The following HIVEP3 variants were observed in gnomAD, a reference collection of about 807,000 sequenced individuals.
The protein encoded by HIVEP3 is transcription factor HIVEP3.
In HIVEP3, 49 loss-of-function variants were observed where a neutral mutation model predicts 152.8. That is an observed-to-expected ratio of 0.32 (90% CI 0.26 to 0.41). The LOEUF (loss-of-function observed/expected upper bound fraction) is 0.41. Among genes scored for constraint, HIVEP3 ranks in the 10% least tolerant of loss-of-function variants. The pLI, the probability that HIVEP3 is intolerant of heterozygous loss-of-function variation, is 1.00. For missense variants in HIVEP3, 2,790 were observed against 3,103.3 expected, an observed-to-expected ratio of 0.90 and a Z score of 2.40; for synonymous variants, 1,269 against 1,289.0, an observed-to-expected ratio of 0.98 and a Z score of 0.33.
At chr1:41,553,922 C>T (rs1643927029) in intron 5 of HIVEP3, among the ~76,000 whole-genome samples, 1 of 152,134 alleles carries the variant, frequency 6.6e-6, no homozygotes, top group Admixed American at 6.5e-5. Flanking sequence ...TCTGGCTGCC[C>T]TTAATATTTT....
chr1:41,695,557 C>T (rs2124117224), intron 2 of HIVEP3, among the ~76,000 whole-genome samples: 1 of 152,268 alleles, frequency 6.6e-6, no homozygotes, highest in East Asian at 1.9e-4. Context: ...GGAGGTGAAT[C>T]ACAAGGAAAA....
intron 1 of HIVEP3, among the ~76,000 whole-genome samples, chr1:41,854,642 T>C (rs2124388032): frequency 8.6e-6 from 1 of 116,540 alleles, no homozygotes; most frequent in Non-Finnish European, 1.7e-5. Flanking sequence ...TCATCTAGCA[T>C]TAGGTATATC....
chr1:41,812,807 T>C (rs1001165531), intron 1 of HIVEP3, among the ~76,000 whole-genome samples: 1 of 123,884 alleles, frequency 8.1e-6, no homozygotes, highest in Non-Finnish European at 1.6e-5. Context: ...CACTCCTCCT[T>C]GGGGGTGGGG....
intron 3 of HIVEP3, among the ~76,000 whole-genome samples, chr1:41,620,864 C>T (rs1230745919): frequency 6.6e-6 from 1 of 152,260 alleles, no homozygotes; most frequent in Non-Finnish European, 1.5e-5. Context: ...TCAACCACTA[C>T]TGTGCACCAG....
chr1:42,028,837 G>A (rs1645596503), intron 1 of HIVEP3, among the ~76,000 whole-genome samples: 1 of 152,136 alleles, frequency 6.6e-6, no homozygotes, highest in African/African-American at 2.4e-5. Flanking sequence ...AAGATAAATG[G>A]GTGAAGAGGC....
chr1:42,035,843 G>A (rs1645640877), exon 1 of HIVEP3: 1 of 150,218 alleles, frequency 6.7e-6, no homozygotes, highest in Admixed American at 6.7e-5. Flanking sequence ...GGCGGCTTGG[G>A]ATGCCGGGGT....
chr1:41,568,219 A>G (rs1232583199), intron 5 of HIVEP3, among the ~76,000 whole-genome samples: 1 of 152,256 alleles, frequency 6.6e-6, no homozygotes, highest in African/African-American at 2.4e-5. Context: ...AAGGAAGAGG[A>G]TAAGAAGTGC....
chr1:41,794,333 C>T (rs1290509144), intron 1 of HIVEP3, among the ~76,000 whole-genome samples: 1 of 152,160 alleles, frequency 6.6e-6, no homozygotes, highest in East Asian at 1.9e-4. Flanking sequence ...CTCCACCTGG[C>T]CCCACCCTTG....
rs554154019 is a variant in HIVEP3 at position 41,525,034 on chromosome 1, G to A, written c.5208-124C>T. On this transcript the variant is annotated intron_variant, in intron 5 of 8. Coordinates refer to ENST00000372583, the MANE Select transcript of HIVEP3 (RefSeq NM_024503.5). Reference sequence around the variant, plus strand: ...TACAGACGCAAGGAATGGAGGCCACGGAACCAGAGAGGACCACGAGAGTGG... The same window carrying A: ...TACAGACGCAAGGAATGGAGGCCACAGAACCAGAGAGGACCACGAGAGTGG... 29 of 913,282 alleles carry A rather than the reference G, an allele frequency of 3.2e-5. No individual in the cohort carries two copies. The South Asian group carries it at 3.7e-4, about 12-fold the overall frequency. The allele number at this position is 913,282 out of a possible 1,614,324, so 56.6% of individuals were successfully genotyped here.
intron 1 of HIVEP3, among the ~76,000 whole-genome samples, chr1:41,764,484 G>A (rs1040894974): frequency 2.0e-5 from 3 of 152,142 alleles, no homozygotes; most frequent in African/African-American, 7.2e-5. Context: ...GTGACCAGAG[G>A]GACAGCTGCA....
intron 1 of HIVEP3, among the ~76,000 whole-genome samples, chr1:41,916,830 G>A (rs994894822): frequency 6.6e-6 from 1 of 152,142 alleles, no homozygotes; most frequent in African/African-American, 2.4e-5. Context: ...TTGGCTTCAG[G>A]ATTCATTTTC....
chr1:41,748,619 T>C (rs1558235102), intron 1 of HIVEP3, among the ~76,000 whole-genome samples: 3 of 152,232 alleles, frequency 2.0e-5, no homozygotes, highest in African/African-American at 4.8e-5. Context: ...GCTTAGGCTA[T>C]GCTAATCTTC....
intron 1 of HIVEP3, among the ~76,000 whole-genome samples, chr1:41,708,085 T>C (rs1046409752): frequency 1.3e-5 from 2 of 152,130 alleles, no homozygotes; most frequent in African/African-American, 4.8e-5. Context: ...CCCAGGTGAG[T>C]GCACAGGGAG....
At chr1:41,629,768 A>G (rs1418219292) in intron 2 of HIVEP3, among the ~76,000 whole-genome samples, 1 of 152,216 alleles carries the variant, frequency 6.6e-6, no homozygotes, top group Non-Finnish European at 1.5e-5. Context: ...AAAAAGGCAA[A>G]AAAACAACAG....
chr1:42,023,973 G>A (rs1252581914), intron 1 of HIVEP3, among the ~76,000 whole-genome samples: 1 of 152,158 alleles, frequency 6.6e-6, no homozygotes, highest in Non-Finnish European at 1.5e-5. Flanking sequence ...TCCAGAGTCT[G>A]TAAATGTAAA....
At chr1:41,668,417 C>T (rs1319226379) in intron 2 of HIVEP3, among the ~76,000 whole-genome samples, 1 of 152,358 alleles carries the variant, frequency 6.6e-6, no homozygotes, top group African/African-American at 2.4e-5. Flanking sequence ...CACCCCATCC[C>T]TGCTCAGGCT....
At chr1:41,877,360 T>G (rs1644187324) in intron 1 of HIVEP3, among the ~76,000 whole-genome samples, 1 of 152,236 alleles carries the variant, frequency 6.6e-6, no homozygotes. Flanking sequence ...CTGTGATATT[T>G]CTGAGTTTGG....
At chr1:41,661,738 C>A (rs1645715534) in intron 2 of HIVEP3, among the ~76,000 whole-genome samples, 1 of 152,226 alleles carries the variant, frequency 6.6e-6, no homozygotes, top group African/African-American at 2.4e-5. Flanking sequence ...CCACGGTATG[C>A]GTGGGTGCGA....
At chr1:41,690,892 T>C (rs960707234) in intron 2 of HIVEP3, among the ~76,000 whole-genome samples, 8 of 152,172 alleles carry the variant, frequency 5.3e-5, no homozygotes, top group African/African-American at 1.7e-4. Flanking sequence ...CACTCCAGCC[T>C]GGGTGACAAG....
Sources: allele counts gnomAD v4.1 joint callset (sites outside exome capture counted in the v4.1 genomes callset), GRCh38; gene constraint gnomAD v4.1.1; transcripts MANE v1.5; gene names NCBI Gene and HGNC (gene_info 2026-07-23, HGNC 2026-07-21).